Variants in DGKB observed in about 807,000 individuals in gnomAD.
The protein encoded by DGKB is diacylglycerol kinase beta.
DGKB carries 67 observed loss-of-function variants against 114.3 expected under a neutral mutation model. The ratio of observed to expected loss-of-function variants is 0.59; its 90% confidence interval spans 0.48 to 0.72. The LOEUF (loss-of-function observed/expected upper bound fraction) is 0.72, where lower values mean the gene tolerates loss of function less well. Among genes scored for constraint, DGKB ranks in the 30% least tolerant of loss-of-function variants. The pLI is 0.00. For synonymous variants in DGKB, 398 were observed against 323.1 expected, an observed-to-expected ratio of 1.23 and a Z score of -2.49; for missense variants, 907 against 975.2, an observed-to-expected ratio of 0.93 and a Z score of 0.93.
chr7:14,825,354 A>G (rs1845556675), intron 2 of DGKB, among the ~76,000 whole-genome samples: 1 of 152,188 alleles, frequency 6.6e-6, no homozygotes, highest in African/African-American at 2.4e-5. Flanking sequence ...TGTAATATGT[A>G]ATGAAATAAC....
chr7:14,454,604 G>A (rs1339287417), intron 21 of DGKB, among the ~76,000 whole-genome samples: 1 of 151,962 alleles, frequency 6.6e-6, no homozygotes, highest in Non-Finnish European at 1.5e-5. Context: ...ATATATGATT[G>A]CTATCAGATG....
At chr7:14,206,760 A>T (rs568963882) in intron 23 of DGKB, among the ~76,000 whole-genome samples, 1 of 152,180 alleles carries the variant, frequency 6.6e-6, no homozygotes, top group Admixed American at 6.6e-5. Context: ...ATCAAATAAT[A>T]TATGCTAAAA....
intron 1 of DGKB, among the ~76,000 whole-genome samples, chr7:14,924,097 T>C (rs1230429616): frequency 6.6e-6 from 1 of 150,918 alleles, no homozygotes; most frequent in African/African-American, 2.4e-5. Context: ...AACTGAGCTC[T>C]AATGACACTC....
chr7:14,783,648 A>C (rs576231793), intron 2 of DGKB, among the ~76,000 whole-genome samples: 1 of 152,352 alleles, frequency 6.6e-6, no homozygotes, highest in East Asian at 1.9e-4. Flanking sequence ...GACATTGACA[A>C]GTGCAAATAT....
intron 1 of DGKB, among the ~76,000 whole-genome samples, chr7:14,918,291 G>A (rs948567269): frequency 2.0e-5 from 3 of 152,008 alleles, no homozygotes; most frequent in Admixed American, 2.0e-4. Context: ...TTCATACTGG[G>A]AAGTAAAAAA....
chr7:14,922,384 G>GTGTGTGTGTGTGTGTGTGTA (rs1784550649), intron 1 of DGKB, among the ~76,000 whole-genome samples: 1 of 146,866 alleles, frequency 6.8e-6, no homozygotes, highest in Admixed American at 6.8e-5. Flanking sequence ...TCGTGTGTGT[G>GTGTGTGTGTGTGTGTGTGTA]TGTGTGTGTG....
chr7:14,960,752 C>T (rs780864299), intron 1 of DGKB, among the ~76,000 whole-genome samples: 1 of 152,044 alleles, frequency 6.6e-6, no homozygotes, highest in African/African-American at 2.4e-5. Flanking sequence ...CATCACAGAT[C>T]ATCTTTTTGC....
intron 21 of DGKB, among the ~76,000 whole-genome samples, chr7:14,455,527 T>C (rs910313828): frequency 1.3e-5 from 2 of 152,036 alleles, no homozygotes; most frequent in African/African-American, 2.4e-5. Flanking sequence ...CCAGTACATA[T>C]ACTGGTCTTC....
At chr7:14,912,994 C>T (rs1178427186) in intron 1 of DGKB, among the ~76,000 whole-genome samples, 2 of 152,038 alleles carry the variant, frequency 1.3e-5, no homozygotes, top group African/African-American at 4.8e-5. Flanking sequence ...CGTCAAGTGC[C>T]CCACTTTGTT....
chr7:14,454,838 A>G (rs1425231685), intron 21 of DGKB, among the ~76,000 whole-genome samples: 1 of 152,098 alleles, frequency 6.6e-6, no homozygotes, highest in Non-Finnish European at 1.5e-5. Flanking sequence ...TCTAGCTAAC[A>G]TGACATGTAT....
intron 23 of DGKB, among the ~76,000 whole-genome samples, chr7:14,324,225 G>A (rs1808333798): frequency 6.6e-6 from 1 of 152,118 alleles, no homozygotes; most frequent in South Asian, 2.1e-4. Context: ...AAGGCCGACA[G>A]ATCACTTGAG....
At chr7:14,784,047 AGT>A (rs1839502640) in intron 2 of DGKB, among the ~76,000 whole-genome samples, 1 of 152,200 alleles carries the variant, frequency 6.6e-6, no homozygotes, top group Non-Finnish European at 1.5e-5. Context: ...TATAATGTTG[AGT>A]TTTACTGAAT....
intron 17 of DGKB, among the ~76,000 whole-genome samples, chr7:14,607,157 C>CGT (rs71004316): frequency 0.065 from 9,706 of 148,268 alleles, 965 homozygotes; most frequent in African/African-American, 0.22. Flanking sequence ...GCTAGTTTGT[C>CGT]GTGTGTGTGT....
intron 20 of DGKB, among the ~76,000 whole-genome samples, chr7:14,529,275 G>C (rs992165086): frequency 6.6e-6 from 1 of 151,926 alleles, no homozygotes. Flanking sequence ...GAGTTTTGAA[G>C]ATGGGCAAGA....
chr7:14,400,342 TC>T (rs1165628569), intron 21 of DGKB, among the ~76,000 whole-genome samples: 1 of 151,734 alleles, frequency 6.6e-6, no homozygotes, highest in African/African-American at 2.4e-5. Context: ...CAATAAAAAT[TC>T]GAGTATTTCA....
At chr7:14,293,369 T>A (rs901812683) in intron 23 of DGKB, among the ~76,000 whole-genome samples, 1 of 152,288 alleles carries the variant, frequency 6.6e-6, no homozygotes, top group Non-Finnish European at 1.5e-5. Flanking sequence ...ACTAAGATCT[T>A]CCAATGACTT....
In DGKB at chr7:14,714,430, C is replaced by T. The variant is rs546807363; in HGVS notation, c.466+4112G>A. Among the ~76,000 whole-genome samples the T allele has an allele frequency of 5.9e-5, 9 of 151,838 alleles. No individual in the cohort carries two copies. The East Asian group carries it at 1.7e-3, about 29-fold the overall frequency. ...CTGTGGAGTCAGATCGGTGTATGCA[C>T]GCCAAGTTAAGGGTTTCAATTTTAC... On this transcript the variant is annotated intron_variant, in intron 6 of 25. Transcript: ENST00000402815.
In DGKB at chr7:14,171,845, C is replaced by G. The variant is rs371631782; in HGVS notation, c.2304+4994G>C. Among the ~76,000 whole-genome samples, 3 of 152,272 alleles carry G rather than the reference C, an allele frequency of 2.0e-5. No homozygotes were observed. The South Asian group carries it at 6.2e-4, about 32-fold the overall frequency. On this transcript the variant is annotated intron_variant, in intron 25 of 25. Coordinates refer to ENST00000402815, the MANE Select transcript of DGKB (RefSeq NM_001350709.2). ...TCAAAGTGCATTTGGTATTGGCAATCTAATTATGTGTGAGGTACAGTGCTA... is the reference window on the plus strand; with the variant it reads ...TCAAAGTGCATTTGGTATTGGCAATGTAATTATGTGTGAGGTACAGTGCTA...
chr7:14,213,111 A>G (rs984216326), intron 23 of DGKB, among the ~76,000 whole-genome samples: 3 of 152,002 alleles, frequency 2.0e-5, no homozygotes, highest in Admixed American at 6.6e-5. Flanking sequence ...CAATTTTTAT[A>G]AAAAAATGGT....
Sources: gnomAD v4.1 joint callset for allele counts (sites outside exome capture counted in the v4.1 genomes callset) on GRCh38, gnomAD v4.1.1 for gene constraint, MANE v1.5 for transcripts, NCBI Gene and HGNC (gene_info 2026-07-23, HGNC 2026-07-21) for gene names.